KCNMB2: variants seen among roughly 807,000 people sequenced by gnomAD.
The protein encoded by KCNMB2 is potassium calcium-activated channel subfamily M regulatory beta subunit 2.
Under a neutral mutation model 24.5 loss-of-function variants are expected in KCNMB2, and 9 were observed. That is an observed-to-expected ratio of 0.37 (90% CI 0.22 to 0.64). The LOEUF is 0.64. Ranked by LOEUF, KCNMB2 falls within the 30% of genes least tolerant of loss-of-function variation. KCNMB2 has a pLI of 0.63. For synonymous variants in KCNMB2, 109 were observed against 104.4 expected, an observed-to-expected ratio of 1.04 and a Z score of -0.27; for missense variants, 226 against 284.3, an observed-to-expected ratio of 0.79 and a Z score of 1.47.
intron 4 of KCNMB2, 87 bp downstream of exon 4, chr3:178,828,460 T>TGG: frequency 1.0e-6 from 1 of 975,896 alleles, no homozygotes; most frequent in Non-Finnish European, 1.5e-6. Flanking sequence ...TGCCAGCATT[T>TGG]CAAAGGAAAA....
intron 1 of KCNMB2, among the ~76,000 whole-genome samples, chr3:178,743,682 C>CCATG (rs1181364671): frequency 6.6e-6 from 1 of 152,076 alleles, no homozygotes; most frequent in Non-Finnish European, 1.5e-5. Context: ...GTTTCAGCTG[C>CCATG]CATGGTGGGG....
chr3:178,622,819 A>C (rs992753168), intron 1 of KCNMB2, among the ~76,000 whole-genome samples: 1 of 152,224 alleles, frequency 6.6e-6, no homozygotes, highest in Non-Finnish European at 1.5e-5. Flanking sequence ...ACACAAACGT[A>C]GGATCCTTTA....
intron 1 of KCNMB2, among the ~76,000 whole-genome samples, chr3:178,759,172 C>T (rs139981818): frequency 0.023 from 1,328 of 56,598 alleles, 73 homozygotes; most frequent in African/African-American, 0.052. Flanking sequence ...AAGAGGGATA[C>T]ATATATATAT....
intron 1 of KCNMB2, among the ~76,000 whole-genome samples, chr3:178,678,181 T>C (rs955319585): frequency 1.3e-5 from 2 of 152,174 alleles, no homozygotes; most frequent in Admixed American, 1.3e-4. Flanking sequence ...GCAATTGTTT[T>C]AACATTTTTT....
intron 1 of KCNMB2, among the ~76,000 whole-genome samples, chr3:178,591,564 G>T (rs1444954451): frequency 6.6e-6 from 1 of 152,106 alleles, no homozygotes; most frequent in African/African-American, 2.4e-5. Context: ...ATTGAAGAAG[G>T]GGGTACTCAG....
At chr3:178,731,451 C>T (rs143842188) in intron 1 of KCNMB2, among the ~76,000 whole-genome samples, 21 of 152,272 alleles carry the variant, frequency 1.4e-4, no homozygotes, top group Non-Finnish European at 2.4e-4. Flanking sequence ...CCAAATGTCC[C>T]CCGTGGGAAG....
At chr3:178,768,627 T>C (rs1157868964) in intron 1 of KCNMB2, among the ~76,000 whole-genome samples, 1 of 152,156 alleles carries the variant, frequency 6.6e-6, no homozygotes, top group African/African-American at 2.4e-5. Flanking sequence ...GGTATGGATT[T>C]TGAAAGGTCA....
chr3:178,606,157 G>A (rs540086981), intron 1 of KCNMB2, among the ~76,000 whole-genome samples: 1 of 152,300 alleles, frequency 6.6e-6, no homozygotes, highest in Non-Finnish European at 1.5e-5. Context: ...TTATAGATAC[G>A]TTTTATAGTA....
rs1337281926 is a variant in KCNMB2 at position 178,757,426 on chromosome 3, A to G, written c.-67-49917A>G. Among the ~76,000 whole-genome samples, 38 of 65,882 alleles carry G rather than the reference A, an allele frequency of 5.8e-4. 1 individual carries two copies. The highest frequency in any genetic ancestry group is 2.4e-3 in the African/African-American group (33 of 13,912). The allele number at this position is 65,882 out of a possible 152,430, so 43.2% of individuals were successfully genotyped here. On this transcript the variant is annotated intron_variant, in intron 1 of 4. Coordinates refer to ENST00000452583, the MANE Select transcript of KCNMB2 (RefSeq NM_181361.3). ...TATCCAAGAGGATATATATATATGT[A>G]TATATATCCAAGAGGATATATATAT... is the stretch of plus-strand genomic sequence containing the variant.
intron 1 of KCNMB2, among the ~76,000 whole-genome samples, chr3:178,806,093 A>T (rs769476034): frequency 6.6e-6 from 1 of 152,196 alleles, no homozygotes; most frequent in African/African-American, 2.4e-5. Context: ...TGCGCATGTG[A>T]ATAGCCACTG....
At chr3:178,670,319 T>C (rs1720858096) in intron 1 of KCNMB2, among the ~76,000 whole-genome samples, 1 of 152,068 alleles carries the variant, frequency 6.6e-6, no homozygotes, top group African/African-American at 2.4e-5. Flanking sequence ...ACCCACTAGA[T>C]ATCATTAACA....
intron 1 of KCNMB2, among the ~76,000 whole-genome samples, chr3:178,672,238 T>A (rs1444534933): frequency 6.6e-6 from 1 of 152,178 alleles, no homozygotes; most frequent in Non-Finnish European, 1.5e-5. Context: ...ATGTAAAGCC[T>A]TGTCACATGG....
At chr3:178,626,532 C>T (rs1232276603) in intron 1 of KCNMB2, among the ~76,000 whole-genome samples, 3 of 152,084 alleles carry the variant, frequency 2.0e-5, no homozygotes, top group Non-Finnish European at 2.9e-5. Context: ...CCTCAGGAAA[C>T]TTACAATAAT....
chr3:178,751,573 C>CAA (rs61148761), intron 1 of KCNMB2, among the ~76,000 whole-genome samples: 1,217 of 47,722 alleles, frequency 0.026, 255 homozygotes, highest in East Asian at 0.062. Flanking sequence ...GACTCCGTCT[C>CAA]AAAAAAAAAA....
intron 1 of KCNMB2, among the ~76,000 whole-genome samples, chr3:178,684,992 G>A (rs530707199): frequency 1.4e-4 from 21 of 152,204 alleles, no homozygotes; most frequent in Non-Finnish European, 2.5e-4. Context: ...CTAAAGAAAT[G>A]CATACATCTT....
intron 1 of KCNMB2, among the ~76,000 whole-genome samples, chr3:178,565,959 G>C (rs1203554673): frequency 5.9e-5 from 9 of 152,182 alleles, no homozygotes; most frequent in Non-Finnish European, 1.2e-4. Flanking sequence ...TATGTCCAAA[G>C]TTCCAAGAAT....
chr3:178,791,971 C>T (rs1170675302), intron 1 of KCNMB2, among the ~76,000 whole-genome samples: 1 of 151,834 alleles, frequency 6.6e-6, no homozygotes, highest in Non-Finnish European at 1.5e-5. Flanking sequence ...CAATACGAGA[C>T]CTGTCCTACA....
chr3:178,769,688 T>A (rs1051983038), intron 1 of KCNMB2, among the ~76,000 whole-genome samples: 1 of 152,236 alleles, frequency 6.6e-6, no homozygotes, highest in Non-Finnish European at 1.5e-5. Flanking sequence ...CGAGAATTTT[T>A]AAACTTGTAA....
At chr3:178,678,375 C>G (rs1429747887) in intron 1 of KCNMB2, among the ~76,000 whole-genome samples, 1 of 152,206 alleles carries the variant, frequency 6.6e-6, no homozygotes, top group Admixed American at 6.5e-5. Context: ...AGCCCATTCC[C>G]TCTTGCCTGT....
Sources: allele counts gnomAD v4.1 joint callset (sites outside exome capture counted in the v4.1 genomes callset), GRCh38; gene constraint gnomAD v4.1.1; transcripts MANE v1.5; gene names NCBI Gene and HGNC (gene_info 2026-07-23, HGNC 2026-07-21).